Variants in CNBD1 observed in about 807,000 individuals in gnomAD.
CNBD1 encodes cyclic nucleotide-binding domain-containing protein 1.
In CNBD1, 71 loss-of-function variants were observed where a neutral mutation model predicts 54.4. The observed-to-expected ratio is 1.30, with a 90% CI of 1.08 to 1.59. The LOEUF is 1.59. CNBD1 is among the 40% of genes most tolerant of loss of function. The pLI is 0.00. For synonymous variants in CNBD1, 182 were observed against 170.7 expected, an observed-to-expected ratio of 1.07 and a Z score of -0.51; for missense variants, 659 against 518.0, an observed-to-expected ratio of 1.27 and a Z score of -2.64.
At chr8:87,032,974 C>G (rs1030629404) in intron 4 of CNBD1, among the ~76,000 whole-genome samples, 1 of 152,162 alleles carries the variant, frequency 6.6e-6, no homozygotes, top group African/African-American at 2.4e-5. Flanking sequence ...TCATCCCACT[C>G]CCTCTTTGCT....
At chr8:87,272,757 G>T (rs1057251486) in intron 6 of CNBD1, among the ~76,000 whole-genome samples, 1 of 151,906 alleles carries the variant, frequency 6.6e-6, no homozygotes, top group Non-Finnish European at 1.5e-5. Flanking sequence ...GAGCAGTTGT[G>T]TATGAATACA....
chr8:87,315,349 A>G (rs1809362153), intron 8 of CNBD1, among the ~76,000 whole-genome samples: 1 of 152,146 alleles, frequency 6.6e-6, no homozygotes, highest in East Asian at 1.9e-4. Context: ...CTAAAAAGGA[A>G]TACTTGAAGC....
chr8:87,259,975 A>G (rs1234204417), intron 6 of CNBD1, among the ~76,000 whole-genome samples: 1 of 152,212 alleles, frequency 6.6e-6, no homozygotes, highest in Non-Finnish European at 1.5e-5. Flanking sequence ...AAAATTTAAG[A>G]CAGTCCGTGG....
intron 3 of CNBD1, among the ~76,000 whole-genome samples, chr8:86,934,698 T>C (rs1248979025): frequency 6.6e-6 from 1 of 152,226 alleles, no homozygotes; most frequent in African/African-American, 2.4e-5. Flanking sequence ...TATTGAACCA[T>C]ATGAGGTGTT....
intron 10 of CNBD1, among the ~76,000 whole-genome samples, chr8:87,371,441 C>A (rs1810792941): frequency 6.6e-6 from 1 of 151,972 alleles, no homozygotes; most frequent in South Asian, 2.1e-4. Context: ...AGAGGTCCTT[C>A]ACGTCCCTTG....
chr8:87,056,478 T>C (rs2130631615), intron 4 of CNBD1, among the ~76,000 whole-genome samples: 1 of 152,318 alleles, frequency 6.6e-6, no homozygotes, highest in Admixed American at 6.5e-5. Context: ...ACTAAAGCTG[T>C]TAGAATAAAA....
At chr8:87,419,706 T>G (rs1464156030) in intron 2 of CNBD1, among the ~76,000 whole-genome samples, 1 of 151,874 alleles carries the variant, frequency 6.6e-6, no homozygotes, top group Non-Finnish European at 1.5e-5. Context: ...AGTTTGTCTA[T>G]TGAATACACT....
At chr8:87,086,074 G>T (rs1467893255) in intron 4 of CNBD1, among the ~76,000 whole-genome samples, 1 of 152,128 alleles carries the variant, frequency 6.6e-6, no homozygotes, top group South Asian at 2.1e-4. Flanking sequence ...TTTCAGCAAT[G>T]GGTCTCTCAT....
At chr8:87,085,264 C>T (rs1811073977) in intron 4 of CNBD1, among the ~76,000 whole-genome samples, 1 of 152,126 alleles carries the variant, frequency 6.6e-6, no homozygotes, top group African/African-American at 2.4e-5. Flanking sequence ...TCATATGGAT[C>T]ATATGTGGGC....
chr8:87,388,780 CG>C (rs913568514), intron 2 of CNBD1, among the ~76,000 whole-genome samples: 3 of 152,092 alleles, frequency 2.0e-5, no homozygotes, highest in African/African-American at 7.2e-5. Context: ...ATACCAAAGC[CG>C]GGCAGAGACA....
chr8:87,060,903 G>A (rs1422234061), intron 4 of CNBD1, among the ~76,000 whole-genome samples: 3 of 152,072 alleles, frequency 2.0e-5, no homozygotes, highest in African/African-American at 7.2e-5. Flanking sequence ...TTTTGCTTAT[G>A]GAGGAAGAAG....
chr8:87,211,564 GT>G (rs1272730754), intron 5 of CNBD1, among the ~76,000 whole-genome samples: 1 of 152,152 alleles, frequency 6.6e-6, no homozygotes, highest in Non-Finnish European at 1.5e-5. Flanking sequence ...CCTCATGATA[GT>G]GAGTGAGTTC....
At chr8:87,209,638 A>C (rs1055632884) in intron 5 of CNBD1, among the ~76,000 whole-genome samples, 1 of 152,330 alleles carries the variant, frequency 6.6e-6, no homozygotes, top group East Asian at 1.9e-4. Flanking sequence ...CCCTATCAAA[A>C]TTCCAGGACA....
At position 86,963,794 on chromosome 8, in the gene CNBD1, C is replaced by T. The variant is rs1807999993; in HGVS notation, c.431+24040C>T. 2.6e-5 allele frequency among the ~76,000 whole-genome samples: 4 copies of T among 152,128 alleles called. No homozygotes were observed. The South Asian group carries it at 8.3e-4, about 32-fold the overall frequency. On this transcript the variant is annotated intron_variant, in intron 4 of 10. Transcript: ENST00000518476. Reference sequence around the variant, plus strand: ...TCCTTGATCCCTAGAATCACCCTAGCTCCTGGATGGCAATGACAGTCTGAA... The same window carrying T: ...TCCTTGATCCCTAGAATCACCCTAGTTCCTGGATGGCAATGACAGTCTGAA...
intron 2 of CNBD1, among the ~76,000 whole-genome samples, chr8:87,402,411 G>A (rs1279800727): frequency 6.6e-6 from 1 of 152,030 alleles, no homozygotes; most frequent in Admixed American, 6.6e-5. Context: ...AAACTGCCCT[G>A]CCTCTGGATT....
chr8:87,368,340 T>C (rs1810686414), intron 10 of CNBD1, among the ~76,000 whole-genome samples: 1 of 151,954 alleles, frequency 6.6e-6, no homozygotes, highest in East Asian at 1.9e-4. Flanking sequence ...AAATATGTAA[T>C]TAATAAAAAA....
At chr8:87,356,733 A>C (rs905216169) in intron 10 of CNBD1, among the ~76,000 whole-genome samples, 1 of 152,228 alleles carries the variant, frequency 6.6e-6, no homozygotes, top group Non-Finnish European at 1.5e-5. Flanking sequence ...AGAGAAATTT[A>C]AATGCACTGT....
intron 4 of CNBD1, among the ~76,000 whole-genome samples, chr8:87,133,386 CACTCTAA>C (rs770847824): frequency 2.2e-4 from 34 of 152,204 alleles, no homozygotes; most frequent in Non-Finnish European, 4.1e-4. Context: ...CTTTGACTCA[CACTCTAA>C]ACTCCATCTT....
At chr8:86,961,584 G>A (rs796570059) in intron 4 of CNBD1, among the ~76,000 whole-genome samples, 13 of 152,328 alleles carry the variant, frequency 8.5e-5, no homozygotes, top group African/African-American at 2.6e-4. Flanking sequence ...GTTTGGAGAG[G>A]TGGAGGTCCA....
Sources: gnomAD v4.1 joint callset for allele counts (sites outside exome capture counted in the v4.1 genomes callset) on GRCh38, gnomAD v4.1.1 for gene constraint, MANE v1.5 for transcripts, NCBI Gene and HGNC (gene_info 2026-07-23, HGNC 2026-07-21) for gene names.